TNPO3: variants seen among roughly 807,000 people sequenced by gnomAD.
TNPO3 encodes transportin 3.
In TNPO3, 65 loss-of-function variants were observed where a neutral mutation model predicts 122.8. The observed-to-expected ratio is 0.53, with a 90% CI of 0.43 to 0.65. The LOEUF is 0.65. Ranked by LOEUF, TNPO3 falls within the 30% of genes least tolerant of loss-of-function variation. TNPO3 has a pLI of 0.00. For synonymous variants in TNPO3, 372 were observed against 411.2 expected, an observed-to-expected ratio of 0.90 and a Z score of 1.15; for missense variants, 850 against 1,136.7, an observed-to-expected ratio of 0.75 and a Z score of 3.63.
intron 1 of TNPO3, among the ~76,000 whole-genome samples, chr7:129,048,171 T>C (rs1053023693): frequency 2.0e-5 from 3 of 151,800 alleles, no homozygotes; most frequent in African/African-American, 7.3e-5. Context: ...AAGGCTGCAG[T>C]GAGCAGTAAT....
Position 128,967,265 on chromosome 7 carries a change from C to T in TNPO3, c.2711+15G>A. ...CACATCCCACACCTCCTTAAGAACC[C>T]CCAGTATCACTCACCTAGTGACTTG... On this transcript the variant is annotated intron_variant, in intron 21 of 22. Transcript: ENST00000265388. The T allele has an allele frequency of 6.7e-7, 1 of 1,501,850 alleles. No homozygotes were observed. Among genetic ancestry groups the T allele is most frequent in the African/African-American group, 1.4e-5 (1 of 72,954 alleles). The allele number at this position is 1,501,850 out of a possible 1,614,324, so 93.0% of individuals were successfully genotyped here.
intron 1 of TNPO3, among the ~76,000 whole-genome samples, chr7:129,053,855 A>G (rs949344651): frequency 6.6e-6 from 1 of 152,240 alleles, no homozygotes; most frequent in Non-Finnish European, 1.5e-5. Context: ...AGGTGTGAAA[A>G]TTAGGGCAGG....
In TNPO3 at chr7:128,984,245, G is replaced by A; in HGVS notation, c.1705C>T (p.Leu569=). 6.2e-7 allele frequency: 1 copy of A among 1,610,916 alleles called. No homozygotes were observed. Among genetic ancestry groups the A allele is most frequent in the Admixed American group, 1.7e-5 (1 of 59,540 alleles). ...VGLLKGTALV[L]ARLPLDKITE... ...ATCTTATCCAAAGGTAATCGGGCTA[G>A]GACAAGTGCTGTCCCTGAAAAACAA... The change falls in exon 13 of 23, where the codon CTA becomes TTA. Residue 569 remains leucine, a synonymous_variant. Transcript: ENST00000265388.
chr7:128,970,615 G>C (rs1047227246), intron 19 of TNPO3: 1 of 201,180 alleles, frequency 5.0e-6, no homozygotes, highest in Non-Finnish European at 9.9e-6. Flanking sequence ...ACATGGTTAA[G>C]AATTAAAGTT....
chr7:129,003,296 G>GTTTTTTTTTTTTTTTT lies in TNPO3; in HGVS notation c.696+1719_696+1720insAAAAAAAAAAAAAAAA, dbSNP rs1299743179. Among the ~76,000 whole-genome samples the GTTTTTTTTTTTTTTTT allele has an allele frequency of 1.9e-5, 2 of 107,734 alleles. 1 individual carries two copies. Among genetic ancestry groups the GTTTTTTTTTTTTTTTT allele is most frequent in the African/African-American group, 7.3e-5 (2 of 27,338 alleles). The allele number at this position is 107,734 out of a possible 152,430, so 70.7% of individuals were successfully genotyped here. ...ATATATGAAGTATTTTAATTTTTAG[G>GTTTTTTTTTTTTTTTT]GTTTTTTTTTTTTTTTTTTTTTAAG... On this transcript the variant is annotated intron_variant, in intron 5 of 22. Transcript: ENST00000265388.
At chr7:129,037,585 G>A (rs184857083) in intron 1 of TNPO3, among the ~76,000 whole-genome samples, 41 of 152,258 alleles carry the variant, frequency 2.7e-4, no homozygotes, top group African/African-American at 8.9e-4. Context: ...GAGAAAGACT[G>A]GGGGTAGGGC....
chr7:129,041,705 C>A, intron 1 of TNPO3: 3 of 985,486 alleles, frequency 3.0e-6, no homozygotes, highest in Non-Finnish European at 3.6e-6. Context: ...ACTAGCAGCA[C>A]ATTTCAAAGA....
At chr7:128,980,101 C>T in intron 14 of TNPO3, 70 bp from the exon 15 acceptor site, 1 of 1,343,468 alleles carries the variant, frequency 7.4e-7, no homozygotes, top group Non-Finnish European at 1.1e-6. Context: ...GCCCTGATCC[C>T]TGCTTGCTTA....
chr7:128,966,561 T>C (rs961487793), intron 21 of TNPO3, among the ~76,000 whole-genome samples: 9 of 152,374 alleles, frequency 5.9e-5, no homozygotes, highest in Admixed American at 4.6e-4. Flanking sequence ...GAAAAGGCTC[T>C]ATTTTTGACA....
At chr7:128,973,433 T>C (rs1300379680) in intron 18 of TNPO3, among the ~76,000 whole-genome samples, 3 of 152,116 alleles carry the variant, frequency 2.0e-5, no homozygotes, top group East Asian at 1.9e-4. Context: ...AAGGAATACA[T>C]ACCCTAAGAA....
intron 21 of TNPO3, among the ~76,000 whole-genome samples, chr7:128,960,420 G>A (rs957186942): frequency 6.6e-6 from 1 of 152,114 alleles, no homozygotes; most frequent in African/African-American, 2.4e-5. Context: ...CCTAGGAGAT[G>A]GCAACTCCAT....
chr7:128,974,855 C>A lies in TNPO3; in HGVS notation c.2273+13G>T, dbSNP rs1372807159. On this transcript the variant is annotated intron_variant, in intron 18 of 22. Transcript: ENST00000265388. ...ATGAGCAATTAAGAAATGGGCTCTT[C>A]AGAAGGATTTACCTGGTGGCTAGCC... is the stretch of plus-strand genomic sequence containing the variant. 1 of 1,609,278 alleles carries A rather than the reference C, an allele frequency of 6.2e-7. No individual in the cohort carries two copies. Among genetic ancestry groups the A allele is most frequent in the Non-Finnish European group, 8.5e-7 (1 of 1,175,540 alleles).
chr7:129,028,054 T>C (rs1013986605), intron 1 of TNPO3, among the ~76,000 whole-genome samples: 1 of 152,146 alleles, frequency 6.6e-6, no homozygotes, highest in Non-Finnish European at 1.5e-5. Context: ...TTCCCAAATA[T>C]GTGGAAATTA....
At chr7:128,983,392 G>A (rs1799828566) in intron 13 of TNPO3, among the ~76,000 whole-genome samples, 1 of 152,004 alleles carries the variant, frequency 6.6e-6, no homozygotes, top group Non-Finnish European at 1.5e-5. Flanking sequence ...ATTTTTAGTA[G>A]AGACCAGGGT....
Position 128,986,777 on chromosome 7 carries a change from G to C in TNPO3, c.1642C>G (p.Leu548Val). 6.2e-7 allele frequency: 1 copy of C among 1,614,020 alleles called. No homozygotes were observed. The highest frequency in any genetic ancestry group is 8.5e-7 in the Non-Finnish European group (1 of 1,179,944). The part of the protein sequence containing the change: ...FNGLLEIARS[L>V]DSFLLSPEAA... ...TCTGGAGACAACAGGAAGGAATCGAGGGAGCGGGCAATCTCCAGGAGTCCA... is the reference window on the plus strand; with the variant it reads ...TCTGGAGACAACAGGAAGGAATCGACGGAGCGGGCAATCTCCAGGAGTCCA... Residue 548 changes from leucine (L) to valine (V), a missense_variant, in exon 12 of 23, where the codon CTC (leucine) becomes GTC (valine). By Grantham distance (32) the Leu-to-Val change is conservative (BLOSUM62 1). Coordinates refer to ENST00000265388, the MANE Select transcript of TNPO3 (RefSeq NM_012470.4).
Position 128,989,998 on chromosome 7 carries a change from C to T in TNPO3, c.1461G>A (p.Glu487=), listed in dbSNP as rs1380331776. The T allele has an allele frequency of 6.2e-7, 1 of 1,614,244 alleles. No homozygotes were observed. The highest frequency in any genetic ancestry group is 1.7e-5 in the Admixed American group (1 of 60,026). The change falls in exon 11 of 23, where the codon GAG becomes GAA. Residue 487 remains glutamate, a synonymous_variant. Transcript: ENST00000265388. ...GATTTCGATCAACGACTTCACTCAT[C>T]TCTCCAACCAATTCAATGCTGGTGT... is the stretch of plus-strand genomic sequence containing the variant. The part of the protein sequence containing the change: ...VRYTSIELVG[E]MSEVVDRNPQ...
At chr7:128,986,388 CTCTTTGGTATGGCAATGCT>C (rs1293983330) in intron 12 of TNPO3, among the ~76,000 whole-genome samples, 1 of 152,224 alleles carries the variant, frequency 6.6e-6, no homozygotes, top group Non-Finnish European at 1.5e-5. Flanking sequence ...TCCCATTTAC[CTCTTTGGTATGGCAATGCT>C]TCTTTGGTCT....
At chr7:128,976,646 G>A (rs527340059) in intron 16 of TNPO3, among the ~76,000 whole-genome samples, 3 of 152,102 alleles carry the variant, frequency 2.0e-5, no homozygotes, top group Non-Finnish European at 2.9e-5. Context: ...GCCACGATAT[G>A]CGCTTAAATG....
At chr7:129,055,866 C>T (rs1314391068), upstream of TNPO3, 1 of 591,538 alleles carries the variant, frequency 1.7e-6, no homozygotes, top group Non-Finnish European at 3.1e-6. Context: ...TAGTCCTTTG[C>T]ACTAGTAAAT....
Sources: allele counts gnomAD v4.1 joint callset (sites outside exome capture counted in the v4.1 genomes callset), GRCh38; gene constraint gnomAD v4.1.1; transcripts MANE v1.5; gene names NCBI Gene and HGNC (gene_info 2026-07-23, HGNC 2026-07-21).